The following COMMD1 variants were observed in gnomAD, a reference collection of about 807,000 sequenced individuals.
COMMD1 encodes copper metabolism domain containing 1, also known as COMM domain-containing protein 1.
A neutral mutation model predicts 17.2 loss-of-function variants in COMMD1; 10 were observed. The ratio of observed to expected loss-of-function variants is 0.58; its 90% CI spans 0.36 to 0.99. COMMD1 has a LOEUF of 0.99. Ranked by LOEUF, COMMD1 falls within the 50% of genes least tolerant of loss-of-function variation. The pLI is 0.01. For missense variants in COMMD1, 270 were observed against 231.8 expected (o/e 1.17, Z -1.07); for synonymous variants, 97 against 91.6 (o/e 1.06, Z -0.34).
At chr2:61,924,723 G>C (rs111520137) in intron 1 of COMMD1, among the ~76,000 whole-genome samples, 3 of 152,216 alleles carry the variant, frequency 2.0e-5, no homozygotes, top group African/African-American at 7.2e-5. Flanking sequence ...CCATTGTCCA[G>C]TTGGTATTGG....
At chr2:62,015,588 G>A (rs1669417186) in intron 2 of COMMD1, among the ~76,000 whole-genome samples, 1 of 151,976 alleles carries the variant, frequency 6.6e-6, no homozygotes, top group African/African-American at 2.4e-5. Context: ...AACTTTTTAA[G>A]GAACTGACAA....
chr2:62,134,793 C>T (rs1318028663), intron 2 of COMMD1, among the ~76,000 whole-genome samples: 1 of 151,938 alleles, frequency 6.6e-6, no homozygotes, highest in Non-Finnish European at 1.5e-5. Flanking sequence ...TTGATATCTA[C>T]CATCTACCTA....
intron 2 of COMMD1, among the ~76,000 whole-genome samples, chr2:62,087,211 C>A (rs1248393321): frequency 2.6e-5 from 4 of 152,156 alleles, no homozygotes; most frequent in Non-Finnish European, 4.4e-5. Context: ...TAATAGATTT[C>A]AGTTTTTCTG....
intron 2 of COMMD1, chr2:62,100,283 G>T (rs1672140213): frequency 6.6e-6 from 1 of 152,190 alleles, no homozygotes; most frequent in African/African-American, 2.4e-5. Context: ...TCAGGGTCCT[G>T]AGTCTTCTCT....
At chr2:61,962,496 A>G (rs919874920) in intron 1 of COMMD1, among the ~76,000 whole-genome samples, 7 of 152,162 alleles carry the variant, frequency 4.6e-5, no homozygotes, top group African/African-American at 1.7e-4. Context: ...GACTGTGATT[A>G]AGGAGTTGGG....
chr2:62,018,630 G>T (rs1470935102), intron 2 of COMMD1, among the ~76,000 whole-genome samples: 2 of 152,114 alleles, frequency 1.3e-5, no homozygotes, highest in Non-Finnish European at 2.9e-5. Context: ...AAAAAAACTC[G>T]ATGTTTTGAT....
chr2:62,006,423 G>A (rs984422459), intron 2 of COMMD1, among the ~76,000 whole-genome samples: 1 of 151,932 alleles, frequency 6.6e-6, no homozygotes, highest in African/African-American at 2.4e-5. Flanking sequence ...TATATATTGC[G>A]ATATCCTTTG....
chr2:61,990,929 C>CACACACACACACACACAT (rs1353193110), intron 1 of COMMD1, among the ~76,000 whole-genome samples: 2 of 150,118 alleles, frequency 1.3e-5, no homozygotes, highest in Non-Finnish European at 3.0e-5. Context: ...CACACACACA[C>CACACACACACACACACAT]ACACACACAC....
At chr2:62,108,235 A>G (rs1352776661) in intron 2 of COMMD1, among the ~76,000 whole-genome samples, 1 of 152,192 alleles carries the variant, frequency 6.6e-6, no homozygotes, top group Non-Finnish European at 1.5e-5. Flanking sequence ...ATCCTTTCAC[A>G]GGCAGAGAAT....
intron 2 of COMMD1, among the ~76,000 whole-genome samples, chr2:62,070,768 G>A (rs952746645): frequency 2.0e-5 from 3 of 152,178 alleles, no homozygotes; most frequent in Admixed American, 6.5e-5. Context: ...AGTGGCTCAC[G>A]CCTATAATCC....
At chr2:61,999,733 T>C (rs1668870449) in intron 1 of COMMD1, among the ~76,000 whole-genome samples, 1 of 152,012 alleles carries the variant, frequency 6.6e-6, no homozygotes, top group African/African-American at 2.4e-5. Flanking sequence ...CTGGCTTGTT[T>C]TATTACTTCA....
Position 61,905,833 on chromosome 2 carries a change from T to A in COMMD1, c.155T>A (p.Leu52Gln). Residue 52 changes from leucine (L) to glutamine (Q), a missense_variant, in exon 1 of 3, where the codon CTG (leucine) becomes CAG (glutamine). Coordinates refer to ENST00000311832, the MANE Select transcript of COMMD1 (RefSeq NM_152516.4). ...CCACCCGAGGAGTTCCGCCCCTTTC[T>A]GGCAAAGATGAGGGGGATTCTTAAG... ...EVPPEEFRPF[L>Q]AKMRGILKSI... is the part of the protein sequence containing the mutation. The A allele has an allele frequency of 6.2e-7, 1 of 1,614,232 alleles. No individual in the cohort carries two copies. The highest frequency in any genetic ancestry group is 8.5e-7 in the Non-Finnish European group (1 of 1,180,038).
intron 1 of COMMD1, among the ~76,000 whole-genome samples, chr2:61,917,371 A>AAT (rs1397449142): frequency 6.6e-6 from 1 of 151,902 alleles, no homozygotes; most frequent in East Asian, 1.9e-4. Flanking sequence ...AAAAAAAAAA[A>AAT]GTGCATTTGG....
At chr2:61,890,044 G>A (rs193060836) in intron 1 of COMMD1, among the ~76,000 whole-genome samples, 1 of 152,180 alleles carries the variant, frequency 6.6e-6, no homozygotes, top group Non-Finnish European at 1.5e-5. Flanking sequence ...CTAAACTGCT[G>A]GTCTCCTATG....
intron 1 of COMMD1, among the ~76,000 whole-genome samples, chr2:61,935,333 A>G (rs1171090420): frequency 6.6e-6 from 1 of 152,240 alleles, no homozygotes; most frequent in Non-Finnish European, 1.5e-5. Context: ...TTTCTATTGA[A>G]ACGTAAAATT....
At chr2:62,068,710 C>T (rs905598261) in intron 2 of COMMD1, among the ~76,000 whole-genome samples, 3 of 150,574 alleles carry the variant, frequency 2.0e-5, no homozygotes, top group Admixed American at 6.6e-5. Flanking sequence ...CTGTAACCTC[C>T]GTCTCCTGGG....
At chr2:62,047,323 G>A (rs1670408961) in intron 2 of COMMD1, among the ~76,000 whole-genome samples, 1 of 152,132 alleles carries the variant, frequency 6.6e-6, no homozygotes, top group African/African-American at 2.4e-5. Context: ...TGTAGTCTAA[G>A]TGTAGAATAT....
chr2:62,054,869 A>G (rs543282302), intron 2 of COMMD1, among the ~76,000 whole-genome samples: 1 of 152,280 alleles, frequency 6.6e-6, no homozygotes, highest in African/African-American at 2.4e-5. Context: ...TACAAATAAA[A>G]AGGAAAAAAA....
At chr2:62,015,983 C>A (rs1229437583) in intron 2 of COMMD1, among the ~76,000 whole-genome samples, 1 of 151,360 alleles carries the variant, frequency 6.6e-6, no homozygotes, top group African/African-American at 2.4e-5. Flanking sequence ...AGGCACACAC[C>A]ACCACACCTG....
Sources: gnomAD v4.1 joint callset for allele counts (sites outside exome capture counted in the v4.1 genomes callset) on GRCh38, gnomAD v4.1.1 for gene constraint, MANE v1.5 for transcripts, NCBI Gene and HGNC (gene_info 2026-07-23, HGNC 2026-07-21) for gene names.